FUT9: variants seen among roughly 807,000 people sequenced by gnomAD.
FUT9 encodes the protein 4-galactosyl-N-acetylglucosaminide 3-alpha-L-fucosyltransferase 9.
In FUT9, 15 loss-of-function variants were observed where a neutral mutation model predicts 29.7. That is an observed-to-expected ratio of 0.51 (90% CI 0.34 to 0.78). The LOEUF (loss-of-function observed/expected upper bound fraction) is 0.78, where lower values mean the gene tolerates loss of function less well. FUT9 is among the 30% of genes least tolerant of loss of function. FUT9 has a pLI of 0.01. For synonymous variants in FUT9, 169 were observed against 153.7 expected (o/e 1.10, Z -0.74); for missense variants, 319 against 425.4 (o/e 0.75, Z 2.20).
At chr6:96,145,870 C>A (rs1772557449) in intron 2 of FUT9, among the ~76,000 whole-genome samples, 1 of 151,978 alleles carries the variant, frequency 6.6e-6, no homozygotes, top group Non-Finnish European at 1.5e-5. Flanking sequence ...TATTTCTTTG[C>A]ATTTCATTTT....
At chr6:96,106,598 G>T (rs564604386) in intron 1 of FUT9, among the ~76,000 whole-genome samples, 1 of 152,208 alleles carries the variant, frequency 6.6e-6, no homozygotes, top group South Asian at 2.1e-4. Context: ...ATTTTAACAT[G>T]TAAGATGAGG....
rs925807973 is a variant in FUT9, at chr6:96,051,102, G to GA, written c.-98+34897dup. On this transcript the variant is annotated intron_variant, in intron 1 of 2. Transcript: ENST00000302103. ...AGAGATTAAATTCCACGTGGAATGT[G>GA]AAAAAAATGAGTAGTAAATATTGCC... is the stretch of plus-strand genomic sequence containing the variant. 5.3e-5 allele frequency among the ~76,000 whole-genome samples: 8 copies of GA among 151,618 alleles called. No individual in the cohort carries two copies. The East Asian group carries it at 5.8e-4, about 11-fold the overall frequency.
intron 2 of FUT9, among the ~76,000 whole-genome samples, chr6:96,136,803 A>G (rs916024251): frequency 1.3e-5 from 2 of 152,004 alleles, no homozygotes; most frequent in East Asian, 3.8e-4. Flanking sequence ...CAGAAAAAAA[A>G]TAATTGCGAG....
At position 96,213,571 on chromosome 6, in the gene FUT9, T is replaced by A. The variant is rs1225672100; in HGVS notation, c.*9336T>A. ...GTACAGTTTATAGGTTCGTGTTATT[T>A]CTGATAAGAATTTAATTGCATTGTG... On this transcript the variant is annotated 3_prime_UTR_variant, in exon 3 of 3. Transcript: ENST00000302103. 6.0e-6 allele frequency: 1 copy of A among 166,936 alleles called. No homozygotes were observed. Among genetic ancestry groups the A allele is most frequent in the Non-Finnish European group, 1.5e-5 (1 of 68,046 alleles). 10.3% of individuals were successfully genotyped at this position (166,936 alleles called of 1,614,324 possible). A position where few individuals can be genotyped will look rare whatever the true frequency, so the allele number is the denominator to read the frequency against.
At chr6:96,140,219 G>A (rs1266048921) in intron 2 of FUT9, among the ~76,000 whole-genome samples, 1 of 152,098 alleles carries the variant, frequency 6.6e-6, no homozygotes, top group Non-Finnish European at 1.5e-5. Flanking sequence ...ATCTCCATAT[G>A]ACACCACCGC....
At chr6:96,086,079 C>T (rs1302707080) in intron 1 of FUT9, among the ~76,000 whole-genome samples, 1 of 152,248 alleles carries the variant, frequency 6.6e-6, no homozygotes, top group South Asian at 2.1e-4. Context: ...GCCATGACAA[C>T]ATCATGAACC....
intron 2 of FUT9, among the ~76,000 whole-genome samples, chr6:96,201,602 T>C (rs1307650185): frequency 6.6e-6 from 1 of 152,046 alleles, no homozygotes; most frequent in Non-Finnish European, 1.5e-5. Context: ...AAAATTTGGC[T>C]TGTAGAACCT....
intron 1 of FUT9, among the ~76,000 whole-genome samples, chr6:96,107,689 A>C (rs1378981114): frequency 2.0e-5 from 3 of 152,202 alleles, no homozygotes; most frequent in Non-Finnish European, 4.4e-5. Context: ...AGTTCTTAAG[A>C]CATTGATGTT....
chr6:96,195,235 C>G (rs1057422352), intron 2 of FUT9, among the ~76,000 whole-genome samples: 2 of 152,176 alleles, frequency 1.3e-5, no homozygotes, highest in Non-Finnish European at 2.9e-5. Flanking sequence ...TGTCTAAAGA[C>G]AAACCCACTG....
At chr6:96,021,322 G>T (rs1008084945) in intron 1 of FUT9, among the ~76,000 whole-genome samples, 12 of 151,830 alleles carry the variant, frequency 7.9e-5, no homozygotes, top group Non-Finnish European at 1.3e-4. Context: ...CCTATTAGTA[G>T]TATGAACACA....
chr6:96,095,527 C>A (rs773217149), intron 1 of FUT9, among the ~76,000 whole-genome samples: 4 of 152,172 alleles, frequency 2.6e-5, no homozygotes, highest in Non-Finnish European at 5.9e-5. Flanking sequence ...AAATTATCAG[C>A]AGCATTTGAC....
Position 96,203,809 on chromosome 6 carries a change from C to A in FUT9, c.654C>A (p.Tyr218Ter), listed in dbSNP as rs375887169. Residue 218 changes from tyrosine (Y) to a stop codon, truncating the protein, a stop_gained, in exon 3 of 3, where the codon TAC becomes TAA. Coordinates refer to ENST00000302103, the MANE Select transcript of FUT9 (RefSeq NM_006581.4). LOFTEE classifies it high-confidence loss of function. ...ELSKSIEIHT[Y>*]GQAFGEYVND... is the part of the protein sequence containing the mutation. ...GCAAAAGCATTGAAATCCATACCTA[C>A]GGGCAAGCATTTGGAGAATATGTCA... The A allele has an allele frequency of 6.2e-7, 1 of 1,612,630 alleles. No individual in the cohort carries two copies. The highest frequency in any genetic ancestry group is 8.5e-7 in the Non-Finnish European group (1 of 1,178,792).
intron 2 of FUT9, among the ~76,000 whole-genome samples, chr6:96,168,537 G>A (rs1773054859): frequency 6.6e-6 from 1 of 152,152 alleles, no homozygotes; most frequent in South Asian, 2.1e-4. Flanking sequence ...TAAAGGAAGA[G>A]TGAATAAGAT....
chr6:96,042,088 C>T (rs1365243784), intron 1 of FUT9, among the ~76,000 whole-genome samples: 3 of 152,106 alleles, frequency 2.0e-5, no homozygotes, highest in African/African-American at 4.8e-5. Context: ...AGTTCACTCC[C>T]CCACCATCCC....
intron 1 of FUT9, among the ~76,000 whole-genome samples, chr6:96,067,007 G>C (rs769033491): frequency 1.8e-4 from 27 of 151,970 alleles, no homozygotes; most frequent in Admixed American, 7.2e-4. Context: ...CATGTGTTCA[G>C]CCAAAACTTA....
At position 96,204,261 on chromosome 6, in the gene FUT9, T is replaced by C. The variant is rs1453897558; in HGVS notation, c.*26T>C. The C allele has an allele frequency of 5.0e-6, 7 of 1,391,966 alleles. No individual in the cohort carries two copies. Among genetic ancestry groups the C allele is most frequent in the Non-Finnish European group, 6.6e-6 (7 of 1,056,204 alleles). 86.2% of individuals were successfully genotyped at this position (1,391,966 alleles called of 1,614,324 possible). ...AATTTTTCATCACTTGCACACTTGA[T>C]AAATATTTTGATGAGATATCATCCA... On this transcript the variant is annotated 3_prime_UTR_variant, in exon 3 of 3. Coordinates refer to ENST00000302103, the MANE Select transcript of FUT9 (RefSeq NM_006581.4).
chr6:96,050,099 C>T (rs554577918), intron 1 of FUT9, among the ~76,000 whole-genome samples: 6 of 152,214 alleles, frequency 3.9e-5, no homozygotes, highest in African/African-American at 1.2e-4. Flanking sequence ...TCACATCTCT[C>T]CTCTGCTCAT....
chr6:96,123,671 G>A (rs1772075265), intron 2 of FUT9, among the ~76,000 whole-genome samples: 1 of 152,166 alleles, frequency 6.6e-6, no homozygotes, highest in Non-Finnish European at 1.5e-5. Flanking sequence ...AGTTCTGATA[G>A]TTTCTGGAAC....
At chr6:96,169,684 C>T (rs1159844201) in intron 2 of FUT9, among the ~76,000 whole-genome samples, 2 of 152,064 alleles carry the variant, frequency 1.3e-5, no homozygotes, top group Non-Finnish European at 2.9e-5. Flanking sequence ...AGTACTTCGG[C>T]AGTATAATTA....
Sources: allele counts gnomAD v4.1 joint callset (sites outside exome capture counted in the v4.1 genomes callset), GRCh38; gene constraint gnomAD v4.1.1; transcripts MANE v1.5; gene names NCBI Gene and HGNC (gene_info 2026-07-23, HGNC 2026-07-21).